BLM: variants seen among roughly 807,000 people sequenced by gnomAD.
The protein encoded by BLM is BLM RecQ like helicase.
A neutral mutation model predicts 135.3 loss-of-function variants in BLM; 95 were observed. The observed-to-expected ratio is 0.70, with a 90% CI of 0.59 to 0.83. BLM has a LOEUF of 0.83. Among genes scored for constraint, BLM ranks in the 40% least tolerant of loss-of-function variants. BLM has a pLI of 0.00. For synonymous variants in BLM, 520 were observed against 589.2 expected (o/e 0.88, Z 1.70); for missense variants, 1,518 against 1,663.9 (o/e 0.91, Z 1.53).
chr15:90,722,519 G>C (rs906366312), intron 1 of BLM, among the ~76,000 whole-genome samples: 2 of 152,096 alleles, frequency 1.3e-5, no homozygotes, highest in African/African-American at 4.8e-5. Flanking sequence ...CCTGGGCAGC[G>C]GAGGTTGCAG....
intron 14 of BLM, among the ~76,000 whole-genome samples, chr15:90,787,135 C>T (rs539493073): frequency 6.9e-5 from 10 of 145,710 alleles, no homozygotes; most frequent in South Asian, 2.2e-4. Flanking sequence ...CTGCAAGCTC[C>T]GCCTCTCGGG....
chr15:90,791,969 G>T (rs1896915324), intron 15 of BLM, among the ~76,000 whole-genome samples: 1 of 151,992 alleles, frequency 6.6e-6, no homozygotes, highest in Admixed American at 6.6e-5. Context: ...AGTTAAACTT[G>T]CTGGGTGAAA....
In BLM at chr15:90,811,253, G is replaced by C; in HGVS notation, c.3923G>C (p.Gly1308Ala). Residue 1308 changes from glycine (G) to alanine (A), a missense_variant, in exon 21 of 22, where the codon GGA (glycine) becomes GCA (alanine). Around this residue, in one of 5 missense-constraint regions of BLM, gnomAD observed 153 missense variants for 173.4 expected, o/e 0.88. Transcript: ENST00000355112. ...GISLSSSRGP[G>A]RSAAEELDEE... ...AGCCTGTCCAGCAGCAGAGGCCCCG[G>C]AAGAAGTGCCGCTGAGGAGCTCGAC... 1.2e-6 allele frequency: 2 copies of C among 1,614,114 alleles called. No individual in the cohort carries two copies. The highest frequency in any genetic ancestry group is 1.7e-6 in the Non-Finnish European group (2 of 1,180,038).
chr15:90,720,321 G>A (rs1171458826), intron 1 of BLM, among the ~76,000 whole-genome samples: 1 of 152,174 alleles, frequency 6.6e-6, no homozygotes, highest in Non-Finnish European at 1.5e-5. Context: ...AGTTCTTGGA[G>A]TTATGACATA....
At chr15:90,723,426 G>A (rs1210192870) in intron 1 of BLM, among the ~76,000 whole-genome samples, 1 of 151,602 alleles carries the variant, frequency 6.6e-6, no homozygotes, top group Non-Finnish European at 1.5e-5. Flanking sequence ...GGCTGAGGAA[G>A]CAAGATCTCT....
At chr15:90,764,975 A>T (rs952143831) in intron 8 of BLM, among the ~76,000 whole-genome samples, 1 of 152,176 alleles carries the variant, frequency 6.6e-6, no homozygotes, top group African/African-American at 2.4e-5. Flanking sequence ...AGGGTAAGGC[A>T]TGACAATTGC....
In BLM at chr15:90,781,521, G is replaced by A. The variant is rs182967253; in HGVS notation, c.2556-1301G>A. 2.1e-3 allele frequency among the ~76,000 whole-genome samples: 320 copies of A among 152,268 alleles called. 1 individual carries two copies. Among genetic ancestry groups the A allele is most frequent in the African/African-American group, 7.4e-3 (309 of 41,556 alleles). The stretch of plus-strand genomic sequence containing the variant: ...GGCACCTGTAATTCCAGCTATTCAG[G>A]AGGCTGAGGCAGGAGAATTGCTTGA... On this transcript the variant is annotated intron_variant, in intron 12 of 21. Coordinates refer to ENST00000355112, the MANE Select transcript of BLM (RefSeq NM_000057.4).
At chr15:90,782,365 G>A (rs1896636257) in intron 12 of BLM, among the ~76,000 whole-genome samples, 1 of 152,116 alleles carries the variant, frequency 6.6e-6, no homozygotes, top group Non-Finnish European at 1.5e-5. Flanking sequence ...TCCAGCCTGG[G>A]CGACAGAGTG....
Position 90,789,059 on chromosome 15 carries a change from A to G in BLM, c.2824-1590A>G, listed in dbSNP as rs887426972. Reference sequence around the variant, plus strand: ...ACAATGGAGATATATATATATATATATATAACTTTGATAAAAAATATGGTT... The same window carrying G: ...ACAATGGAGATATATATATATATATGTATAACTTTGATAAAAAATATGGTT... On this transcript the variant is annotated intron_variant, in intron 14 of 21. Coordinates refer to ENST00000355112, the MANE Select transcript of BLM (RefSeq NM_000057.4). Among the ~76,000 whole-genome samples the G allele has an allele frequency of 2.2e-3, 326 of 151,618 alleles. 1 individual carries two copies. Among genetic ancestry groups the G allele is most frequent in the African/African-American group, 7.5e-3 (309 of 41,386 alleles).
At chr15:90,722,330 C>T (rs1392811039) in intron 1 of BLM, among the ~76,000 whole-genome samples, 8 of 152,048 alleles carry the variant, frequency 5.3e-5, no homozygotes, top group African/African-American at 1.9e-4. Context: ...AGGATGGTCT[C>T]GATCTCCTGA....
At chr15:90,738,415 A>T (rs1895274985) in intron 1 of BLM, among the ~76,000 whole-genome samples, 1 of 152,092 alleles carries the variant, frequency 6.6e-6, no homozygotes, top group Non-Finnish European at 1.5e-5. Flanking sequence ...CTCTACAAAA[A>T]ATTTAAAAAT....
chr15:90,767,892 T>A (rs1896177879), intron 10 of BLM, among the ~76,000 whole-genome samples: 1 of 152,118 alleles, frequency 6.6e-6, no homozygotes, highest in Non-Finnish European at 1.5e-5. Flanking sequence ...AATTATTTTT[T>A]AAATGTAGTT....
intron 1 of BLM, among the ~76,000 whole-genome samples, chr15:90,735,922 G>GA (rs755876335): frequency 1.4e-4 from 21 of 152,080 alleles, no homozygotes; most frequent in Non-Finnish European, 2.4e-4. Flanking sequence ...TAAATTGAGA[G>GA]AAAAAAATAC....
At chr15:90,806,685 A>G (rs1011410776) in intron 19 of BLM, among the ~76,000 whole-genome samples, 1 of 152,216 alleles carries the variant, frequency 6.6e-6, no homozygotes, top group African/African-American at 2.4e-5. Context: ...TCAGTAGTAG[A>G]GTTCCTGGAA....
At chr15:90,752,043 G>T in intron 4 of BLM, 97 bp downstream of exon 4, 2 of 1,166,120 alleles carry the variant, frequency 1.7e-6, no homozygotes, top group South Asian at 2.9e-5. Flanking sequence ...AAAGTATTTT[G>T]TGCTTTCTAC....
chr15:90,752,936 T>C (rs894137724), intron 4 of BLM, among the ~76,000 whole-genome samples: 1 of 152,184 alleles, frequency 6.6e-6, no homozygotes, highest in African/African-American at 2.4e-5. Context: ...GAATGACAAA[T>C]GGACTCAGAT....
Position 90,794,229 on chromosome 15 carries a change from C to T in BLM, c.3082C>T (p.His1028Tyr). Residue 1028 changes from histidine to tyrosine, a missense_variant, in exon 16 of 22, where the codon CAT becomes TAT. By Grantham distance (83) the His-to-Tyr change is moderately conservative. Transcript: ENST00000355112. ...CTTCAATAATTTGTATAGCATGGTA[C>T]ATTACTGTGAAAATATAACGGAATG... ...THFNNLYSMV[H>Y]YCENITECRR... 1.2e-6 allele frequency: 2 copies of T among 1,606,694 alleles called. No homozygotes were observed. The highest frequency in any genetic ancestry group is 1.7e-6 in the Non-Finnish European group (2 of 1,175,624).
chr15:90,758,348 G>A (rs934673899), intron 5 of BLM, among the ~76,000 whole-genome samples: 3 of 152,152 alleles, frequency 2.0e-5, no homozygotes, highest in South Asian at 4.1e-4. Context: ...AAAGCCGAGC[G>A]TGGTAGCGTG....
intron 1 of BLM, among the ~76,000 whole-genome samples, chr15:90,735,830 A>T (rs902338862): frequency 7.9e-5 from 12 of 152,168 alleles, no homozygotes; most frequent in Admixed American, 7.9e-4. Context: ...AATGAAAAAC[A>T]CCATAAGCAA....
Sources: allele counts gnomAD v4.1 joint callset (sites outside exome capture counted in the v4.1 genomes callset), GRCh38; gene constraint gnomAD v4.1.1; regional missense constraint gnomAD v4.1.1; transcripts MANE v1.5; gene names NCBI Gene and HGNC (gene_info 2026-07-23, HGNC 2026-07-21).